Variants in BIVM observed in about 807,000 individuals in gnomAD.
BIVM encodes the protein basic immunoglobulin-like variable motif-containing protein.
In BIVM, 31 loss-of-function variants were observed where a neutral mutation model predicts 61.4. The observed-to-expected ratio is 0.51, with a 90% confidence interval of 0.38 to 0.68. The LOEUF (loss-of-function observed/expected upper bound fraction) is 0.68. BIVM is among the 30% of genes least tolerant of loss of function. The pLI is 0.00. For synonymous variants in BIVM, 189 were observed against 210.7 expected (o/e 0.90, Z 0.89); for missense variants, 526 against 596.0 (o/e 0.88, Z 1.22).
chr13:102,810,549 ACT>A (rs1473284728), intron 3 of BIVM, among the ~76,000 whole-genome samples: 1 of 152,158 alleles, frequency 6.6e-6, no homozygotes, highest in Non-Finnish European at 1.5e-5. Flanking sequence ...ATATGTAAAC[ACT>A]CTGTTCCTAT....
chr13:102,819,408 A>C (rs1880084550), intron 4 of BIVM, among the ~76,000 whole-genome samples: 1 of 152,234 alleles, frequency 6.6e-6, no homozygotes, highest in Non-Finnish European at 1.5e-5. Context: ...AAACTGAGGG[A>C]GGACTCAATA....
At chr13:102,818,591 A>G (rs1373492235) in intron 4 of BIVM, among the ~76,000 whole-genome samples, 2 of 152,256 alleles carry the variant, frequency 1.3e-5, no homozygotes, top group Non-Finnish European at 2.9e-5. Context: ...ACATATTAAT[A>G]GTATAACATG....
intron 10 of BIVM, among the ~76,000 whole-genome samples, 154 bp downstream of exon 10, chr13:102,838,893 G>C (rs924912407): frequency 1.3e-5 from 2 of 152,196 alleles, no homozygotes; most frequent in African/African-American, 4.8e-5. Context: ...TAAAACCCAA[G>C]GGCAAGGGGT....
chr13:102,825,181 G>C (rs1880588634), intron 7 of BIVM, among the ~76,000 whole-genome samples: 1 of 152,112 alleles, frequency 6.6e-6, no homozygotes, highest in Admixed American at 6.6e-5. Context: ...TCCTGACCTT[G>C]TGATCCGCCC....
intron 9 of BIVM, among the ~76,000 whole-genome samples, chr13:102,838,292 A>G (rs771658606): frequency 1.3e-5 from 2 of 152,194 alleles, no homozygotes; most frequent in Admixed American, 6.5e-5. Flanking sequence ...CTCCTAATAG[A>G]GACATATTAA....
intron 1 of BIVM, among the ~76,000 whole-genome samples, chr13:102,803,306 C>T (rs1878862946): frequency 1.3e-5 from 2 of 151,996 alleles, no homozygotes; most frequent in South Asian, 4.1e-4. Context: ...AGTTCCAGAC[C>T]AGCCTGGCCA....
intron 9 of BIVM, among the ~76,000 whole-genome samples, chr13:102,836,942 T>C (rs1446742415): frequency 6.6e-6 from 1 of 152,248 alleles, no homozygotes; most frequent in African/African-American, 2.4e-5. Context: ...TTTTAGAATT[T>C]GTCCTTTTAA....
chr13:102,826,178 A>T (rs1595356018), intron 7 of BIVM, among the ~76,000 whole-genome samples: 1 of 152,154 alleles, frequency 6.6e-6, no homozygotes, highest in East Asian at 1.9e-4. Flanking sequence ...GTGATGTGGA[A>T]AGGAAAATGT....
chr13:102,799,747 C>T (rs1450775945), intron 1 of BIVM, among the ~76,000 whole-genome samples: 1 of 152,218 alleles, frequency 6.6e-6, no homozygotes, highest in African/African-American at 2.4e-5. Flanking sequence ...TGCATGGGTG[C>T]GCGCTCTCCC....
chr13:102,837,946 C>T (rs1386497228), intron 9 of BIVM, among the ~76,000 whole-genome samples: 1 of 152,164 alleles, frequency 6.6e-6, no homozygotes, highest in Non-Finnish European at 1.5e-5. Context: ...ATATTGGATT[C>T]AGTGTACACT....
chr13:102,824,024 A>T (rs1437391848), intron 7 of BIVM, among the ~76,000 whole-genome samples: 1 of 152,144 alleles, frequency 6.6e-6, no homozygotes, highest in East Asian at 1.9e-4. Flanking sequence ...TTGAATGTTT[A>T]CTTCCACAGG....
intron 3 of BIVM, among the ~76,000 whole-genome samples, chr13:102,809,407 A>G (rs1194504053): frequency 6.6e-6 from 1 of 152,178 alleles, no homozygotes; most frequent in Admixed American, 6.5e-5. Context: ...TTGTTTTATG[A>G]CCCAACATAT....
chr13:102,817,321 G>C (rs530690714), intron 4 of BIVM, among the ~76,000 whole-genome samples: 1 of 152,230 alleles, frequency 6.6e-6, no homozygotes, highest in South Asian at 2.1e-4. Flanking sequence ...CTGTAAACTG[G>C]AAGTTGAATA....
In BIVM at chr13:102,807,841, A is replaced by T; in HGVS notation, c.478+96A>T. The T allele has an allele frequency of 3.1e-6, 4 of 1,284,064 alleles. No individual in the cohort carries two copies. The highest frequency in any genetic ancestry group is 4.2e-6 in the Non-Finnish European group (4 of 946,964). The allele number at this position is 1,284,064 out of a possible 1,614,324, so 79.5% of individuals were successfully genotyped here. ...GCCATTACACATAGTTTCCTTGTATAATACTAGATAAGGAACATGGCTATC... is the reference window on the plus strand; with the variant it reads ...GCCATTACACATAGTTTCCTTGTATTATACTAGATAAGGAACATGGCTATC... On this transcript the variant is annotated intron_variant, in intron 3 of 10. Transcript: ENST00000257336. This position sits in a 1 kb window ranked among gnomAD's most constrained non-coding sequence, Gnocchi z 4.0.
chr13:102,832,125 G>A (rs1299700052), intron 8 of BIVM, among the ~76,000 whole-genome samples: 1 of 152,130 alleles, frequency 6.6e-6, no homozygotes, highest in Non-Finnish European at 1.5e-5. Context: ...TTAGTTAATT[G>A]TGCTGTTGAA....
chr13:102,823,757 G>A (rs370379247), intron 7 of BIVM, among the ~76,000 whole-genome samples: 1 of 152,042 alleles, frequency 6.6e-6, no homozygotes, highest in Non-Finnish European at 1.5e-5. Flanking sequence ...TTTTAAAAGA[G>A]GTTTTCAATC....
At chr13:102,799,652 C>T (rs1878609885) in intron 1 of BIVM, 131 bp downstream of exon 1, 1 of 152,278 alleles carries the variant, frequency 6.6e-6, no homozygotes, top group South Asian at 2.1e-4. Context: ...CCTGGGCATT[C>T]AAAATTTTTA....
chr13:102,815,712 T>TA (rs1237475148), intron 3 of BIVM, among the ~76,000 whole-genome samples: 1 of 152,212 alleles, frequency 6.6e-6, no homozygotes, highest in Non-Finnish European at 1.5e-5. Flanking sequence ...CCTTCCCCAG[T>TA]AGTAACCACT....
Position 102,821,900 on chromosome 13 carries a change from A to C in BIVM, c.806+53A>C, listed in dbSNP as rs1032711909. Reference sequence around the variant, plus strand: ...CGTGTTTCTAGTTTTGCAAAATAATAATGATGTAGATGTGTGTTGATAGTA... The same window carrying C: ...CGTGTTTCTAGTTTTGCAAAATAATCATGATGTAGATGTGTGTTGATAGTA... On this transcript the variant is annotated intron_variant, in intron 6 of 10. Coordinates refer to ENST00000257336, the MANE Select transcript of BIVM (RefSeq NM_017693.4). The C allele has an allele frequency of 8.8e-6, 14 of 1,582,452 alleles. No homozygotes were observed. In the Admixed American group the frequency reaches 1.0e-4, roughly 12 times the overall value.
Sources: allele counts gnomAD v4.1 joint callset (sites outside exome capture counted in the v4.1 genomes callset), GRCh38; gene constraint gnomAD v4.1.1; non-coding constraint Gnocchi (gnomAD v3.1); transcripts MANE v1.5; gene names NCBI Gene and HGNC (gene_info 2026-07-23, HGNC 2026-07-21).